The following VAX1 variants were observed in gnomAD, a reference collection of about 807,000 sequenced individuals.
VAX1 encodes ventral anterior homeobox 1.
VAX1 carries 6 observed loss-of-function variants against 17.6 expected under a neutral mutation model. The observed-to-expected ratio is 0.34, with a 90% CI of 0.19 to 0.67. VAX1 has a LOEUF of 0.67. Among genes scored for constraint, VAX1 ranks in the 30% least tolerant of loss-of-function variants. The pLI, the probability that VAX1 is intolerant of heterozygous loss-of-function variation, is 0.69. For synonymous variants in VAX1, 256 were observed against 227.4 expected, an observed-to-expected ratio of 1.13 and a Z score of -1.13; for missense variants, 408 against 463.7, an observed-to-expected ratio of 0.88 and a Z score of 1.10.
Position 117,134,594 on chromosome 10 carries a change from G to A in VAX1, c.430-11C>T. The A allele has an allele frequency of 6.6e-7, 1 of 1,516,058 alleles. No individual in the cohort carries two copies. Among genetic ancestry groups the A allele is most frequent in the Non-Finnish European group, 8.8e-7 (1 of 1,133,722 alleles). 93.9% of individuals were successfully genotyped at this position (1,516,058 alleles called of 1,614,324 possible). On this transcript the variant is annotated splice_polypyrimidine_tract_variant and intron_variant, in intron 2 of 2. Transcript: ENST00000369206. The surrounding 1 kb of genome is among the most constrained non-coding windows in gnomAD (Gnocchi z 6.2). ...GAACCAGACCTTCACCTGCGCGCCGGGGTGCGGGGAGAGTTGGAGAGAGGG... is the reference window on the plus strand; with the variant it reads ...GAACCAGACCTTCACCTGCGCGCCGAGGTGCGGGGAGAGTTGGAGAGAGGG...
Position 117,137,977 on chromosome 10 carries a change from TTG to T in VAX1, c.78_79del (p.His26GlnfsTer32), listed in dbSNP as rs1156380047. ...CGCGCCCTTGCTCTCCCGACTCTCC[TTG>T]TGCGCGTTCTTCGAGACCCGGGCAG... On this transcript the variant is annotated frameshift_variant, in exon 1 of 3. Coordinates refer to ENST00000369206, the MANE Select transcript of VAX1 (RefSeq NM_001112704.2). LOFTEE classifies it high-confidence loss of function. The surrounding 1 kb of genome is among the most constrained non-coding windows in gnomAD (Gnocchi z 7.4). The T allele has an allele frequency of 6.2e-7, 1 of 1,613,626 alleles. No homozygotes were observed. The highest frequency in any genetic ancestry group is 1.3e-5 in the African/African-American group (1 of 74,874).
In VAX1 at chr10:117,136,790, AC is replaced by A; in HGVS notation, c.242-132del. 9.0e-7 allele frequency: 1 copy of A among 1,105,112 alleles called. No individual in the cohort carries two copies. The highest frequency in any genetic ancestry group is 1.3e-6 in the Non-Finnish European group (1 of 787,090). The allele number at this position is 1,105,112 out of a possible 1,614,324, so 68.5% of individuals were successfully genotyped here. ...GATGGGGGGCGGGGTGCGGAGCGCGACCACAACCAGGTAGCAAAGACACTGT... is the reference window on the plus strand; with the variant it reads ...GATGGGGGGCGGGGTGCGGAGCGCGACACAACCAGGTAGCAAAGACACTGT... On this transcript the variant is annotated intron_variant, in intron 1 of 2. Transcript: ENST00000369206. This position sits in a 1 kb window ranked among gnomAD's most constrained non-coding sequence, Gnocchi z 5.0.
At chr10:117,129,459 T>C (rs1194479012), downstream of VAX1, 1 of 152,620 alleles carries the variant, frequency 6.6e-6, no homozygotes, top group Admixed American at 6.5e-5. Context: ...TTAGAAGAGA[T>C]ATATGATTTC....
chr10:117,134,373 A>G lies in VAX1; in HGVS notation c.640T>C (p.Leu214=). ...GCGGCGCCCGCGCCCAGGGCCGGCA[A>G]GCTGGGCCCGCGCAGCGCTGAGCCG... The part of the protein sequence containing the change: ...ALGSALRGPS[L]PALGAGAAAG... The change falls in exon 3 of 3, where the codon TTG becomes CTG. Residue 214 remains leucine, a synonymous_variant. Coordinates refer to ENST00000369206, the MANE Select transcript of VAX1 (RefSeq NM_001112704.2). This position sits in a 1 kb window ranked among gnomAD's most constrained non-coding sequence, Gnocchi z 6.2. The G allele has an allele frequency of 8.1e-7, 1 of 1,238,274 alleles. No individual in the cohort carries two copies. 76.7% of individuals were successfully genotyped at this position (1,238,274 alleles called of 1,614,324 possible).
rs1159520457 is a variant in VAX1, at chr10:117,134,133, T to C, written c.880A>G (p.Thr294Ala). The change falls in exon 3 of 3, where the codon ACA becomes GCA. Residue 294 changes from threonine (T) to alanine (A), a missense_variant. Around this residue, in one of 4 missense-constraint regions of VAX1, gnomAD observed 196 missense variants for 218.7 expected, o/e 0.90. Transcript: ENST00000369206. This position sits in a 1 kb window ranked among gnomAD's most constrained non-coding sequence, Gnocchi z 6.2. The part of the protein sequence containing the change: ...VASRLSSAPL[T>A]MAGSLAGNLQ... ...TTCCCAGCTAGCGAACCAGCCATTG[T>C]TAACGGGGCGGAGGACAGGCGGCTG... The C allele has an allele frequency of 9.1e-6, 14 of 1,536,242 alleles. No individual in the cohort carries two copies.
In VAX1 at chr10:117,136,324, T is replaced by G; in HGVS notation, c.429+148A>C. On this transcript the variant is annotated intron_variant, in intron 2 of 2. Coordinates refer to ENST00000369206, the MANE Select transcript of VAX1 (RefSeq NM_001112704.2). This position sits in a 1 kb window ranked among gnomAD's most constrained non-coding sequence, Gnocchi z 5.0. ...ATGTATTATCTAGGGGAAGGAATCC[T>G]TAGGCCTGTCTTACCCATCCTTCCC... 1.1e-6 allele frequency: 1 copy of G among 907,258 alleles called. No homozygotes were observed. The highest frequency in any genetic ancestry group is 2.9e-5 in the Admixed American group (1 of 34,414). The allele number at this position is 907,258 out of a possible 1,614,324, so 56.2% of individuals were successfully genotyped here.
Position 117,138,071 on chromosome 10 carries a change from A to G in VAX1, c.-15T>C. ...TTCCCGAACATAGGCAAGAACAACA[A>G]CAAAAACAGAAAGGAAAAAAAAAGC... On this transcript the variant is annotated 5_prime_UTR_variant, in exon 1 of 3. Coordinates refer to ENST00000369206, the MANE Select transcript of VAX1 (RefSeq NM_001112704.2). 2 of 1,315,316 alleles carry G rather than the reference A, an allele frequency of 1.5e-6. No individual in the cohort carries two copies. The highest frequency in any genetic ancestry group is 2.0e-6 in the Non-Finnish European group (2 of 999,692). 81.5% of individuals were successfully genotyped at this position (1,315,316 alleles called of 1,614,324 possible). A position where few individuals can be genotyped will look rare whatever the true frequency, so the allele number is the denominator to read the frequency against.
downstream of VAX1, chr10:117,131,283 GAA>G (rs756411786): frequency 6.6e-6 from 1 of 152,366 alleles, no homozygotes; most frequent in Non-Finnish European, 1.5e-5. Flanking sequence ...GAGCGCGGAA[GAA>G]AAGAGTAGAA....
rs1280485516 is a variant in VAX1, at chr10:117,137,833, C to T, written c.224G>A (p.Arg75His). The T allele has an allele frequency of 1.9e-6, 3 of 1,612,668 alleles. No homozygotes were observed. The highest frequency in any genetic ancestry group is 2.5e-6 in the Non-Finnish European group (3 of 1,179,952). ...ATCCCTACCTCGGACCAGGATCCGG[C>T]GGCAGTAATCCGGGTCCGCTGCGGA... is the stretch of plus-strand genomic sequence containing the variant. ...SNSAADPDYC[R>H]RILVRDAKGS... Residue 75 changes from arginine (R) to histidine (H), a missense_variant, in exon 1 of 3, where the codon CGC becomes CAC. Transcript: ENST00000369206. This position sits in a 1 kb window ranked among gnomAD's most constrained non-coding sequence, Gnocchi z 7.4.
rs1007356738 is a variant in VAX1 at position 117,134,690 on chromosome 10, G to A, written c.430-107C>T. The A allele has an allele frequency of 3.4e-5, 39 of 1,163,786 alleles. No individual in the cohort carries two copies. In the African/African-American group the frequency reaches 3.6e-4, roughly 11 times the overall value. 72.1% of individuals were successfully genotyped at this position (1,163,786 alleles called of 1,614,324 possible). A position where few individuals can be genotyped will look rare whatever the true frequency, so the allele number is the denominator to read the frequency against. The stretch of plus-strand genomic sequence containing the variant: ...GCTCCGGGGCTCTCCCCAAGTCCCA[G>A]CCCTATCCGCAGCCCCACCCAGCAG... On this transcript the variant is annotated intron_variant, in intron 2 of 2. Coordinates refer to ENST00000369206, the MANE Select transcript of VAX1 (RefSeq NM_001112704.2). The surrounding 1 kb of genome is among the most constrained non-coding windows in gnomAD (Gnocchi z 6.2).
In VAX1 at chr10:117,134,678, C is replaced by A; in HGVS notation, c.430-95G>T. The A allele has an allele frequency of 7.8e-7, 1 of 1,276,128 alleles. No individual in the cohort carries two copies. The highest frequency in any genetic ancestry group is 1.0e-6 in the Non-Finnish European group (1 of 965,854). 79.1% of individuals were successfully genotyped at this position (1,276,128 alleles called of 1,614,324 possible). A position where few individuals can be genotyped will look rare whatever the true frequency, so the allele number is the denominator to read the frequency against. On this transcript the variant is annotated intron_variant, in intron 2 of 2. Coordinates refer to ENST00000369206, the MANE Select transcript of VAX1 (RefSeq NM_001112704.2). This position sits in a 1 kb window ranked among gnomAD's most constrained non-coding sequence, Gnocchi z 6.2. Reference sequence around the variant, plus strand: ...CCGGGGCGCGCGGCTCCGGGGCTCTCCCCAAGTCCCAGCCCTATCCGCAGC... The same window carrying A: ...CCGGGGCGCGCGGCTCCGGGGCTCTACCCAAGTCCCAGCCCTATCCGCAGC...
chr10:117,132,944 A>C (rs988516136), downstream of VAX1, among the ~76,000 whole-genome samples: 3 of 151,884 alleles, frequency 2.0e-5, no homozygotes, highest in Non-Finnish European at 4.4e-5. The surrounding 1 kb of genome is among the most constrained non-coding windows in gnomAD (Gnocchi z 4.9). Flanking sequence ...ATGAGTGCTG[A>C]CTCGTTTTCC....
At chr10:117,131,403 T>G (rs1048499190), downstream of VAX1, 1 of 152,224 alleles carries the variant, frequency 6.6e-6, no homozygotes, top group Middle Eastern at 3.1e-3. Flanking sequence ...GAAATAAAAG[T>G]GAACTGTCTG....
Position 117,136,354 on chromosome 10 carries a change from C to A in VAX1, c.429+118G>T. On this transcript the variant is annotated intron_variant, in intron 2 of 2. Coordinates refer to ENST00000369206, the MANE Select transcript of VAX1 (RefSeq NM_001112704.2). The surrounding 1 kb of genome is among the most constrained non-coding windows in gnomAD (Gnocchi z 5.0). Reference sequence around the variant, plus strand: ...CCTGTCTTACCCATCCTTCCCATCTCCTCCACCTCCCAAGGGTAGTTCTGT... The same window carrying A: ...CCTGTCTTACCCATCCTTCCCATCTACTCCACCTCCCAAGGGTAGTTCTGT... 7.9e-7 allele frequency: 1 copy of A among 1,266,146 alleles called. No homozygotes were observed. Among genetic ancestry groups the A allele is most frequent in the Non-Finnish European group, 1.1e-6 (1 of 922,200 alleles). 78.4% of individuals were successfully genotyped at this position (1,266,146 alleles called of 1,614,324 possible). A position where few individuals can be genotyped will look rare whatever the true frequency, so the allele number is the denominator to read the frequency against.
Position 117,136,994 on chromosome 10 carries a change from G to A in VAX1, c.242-335C>T, listed in dbSNP as rs1334048529. ...CCTTCCGGGTCCCCTGTAGCCTGAG[G>A]GTACCCTTGTCGCCCCGCCCGGGTC... On this transcript the variant is annotated intron_variant, in intron 1 of 2. Transcript: ENST00000369206. The surrounding 1 kb of genome is among the most constrained non-coding windows in gnomAD (Gnocchi z 5.0). Among the ~76,000 whole-genome samples, 2 of 152,208 alleles carry A rather than the reference G, an allele frequency of 1.3e-5. No homozygotes were observed. Among genetic ancestry groups the A allele is most frequent in the South Asian group, 4.2e-4 (2 of 4,810 alleles).
Position 117,136,436 on chromosome 10 carries a change from T to C in VAX1, c.429+36A>G, listed in dbSNP as rs375993018. 26 of 1,608,622 alleles carry C rather than the reference T, an allele frequency of 1.6e-5. No homozygotes were observed. The highest frequency in any genetic ancestry group is 2.2e-5 in the Non-Finnish European group (26 of 1,178,412). On this transcript the variant is annotated intron_variant, in intron 2 of 2. Transcript: ENST00000369206. The surrounding 1 kb of genome is among the most constrained non-coding windows in gnomAD (Gnocchi z 5.0). ...AGGTAGGGGTGGTGGGGAGGAAGGC[T>C]GGTGCAGAACTGTGTGCGGCCTGGT...
At chr10:117,132,568 C>T, downstream of VAX1, 1 of 1,442,010 alleles carries the variant, frequency 6.9e-7, no homozygotes, top group Non-Finnish European at 9.5e-7. This position sits in a 1 kb window ranked among gnomAD's most constrained non-coding sequence, Gnocchi z 4.9. Context: ...GTGTTTTTCG[C>T]TTGCTTCAGA....
chr10:117,136,464 C>A lies in VAX1; in HGVS notation c.429+8G>T. The A allele has an allele frequency of 1.2e-6, 2 of 1,612,392 alleles. No homozygotes were observed. The highest frequency in any genetic ancestry group is 1.7e-6 in the Non-Finnish European group (2 of 1,179,924). On this transcript the variant is annotated splice_region_variant and intron_variant, in intron 2 of 2. Coordinates refer to ENST00000369206, the MANE Select transcript of VAX1 (RefSeq NM_001112704.2). The surrounding 1 kb of genome is among the most constrained non-coding windows in gnomAD (Gnocchi z 5.0). ...TGCAGAACTGTGTGCGGCCTGGTCG[C>A]CGGGTACCTGGGTCTCGGAGAGGTT...
chr10:117,136,516 C>G lies in VAX1; in HGVS notation c.385G>C (p.Glu129Gln). 3 of 1,613,860 alleles carry G rather than the reference C, an allele frequency of 1.9e-6. No homozygotes were observed. The highest frequency in any genetic ancestry group is 2.5e-6 in the Non-Finnish European group (3 of 1,180,018). ...FQRCQYVVGRERTELARQLNL... is the reference protein window; with the variant it reads ...FQRCQYVVGRQRTELARQLNL... Reference sequence around the variant, plus strand: ...AGCTGCCGGGCGAGCTCGGTCCTCTCGCGGCCCACCACGTACTGGCAGCGC... The same window carrying G: ...AGCTGCCGGGCGAGCTCGGTCCTCTGGCGGCCCACCACGTACTGGCAGCGC... The change falls in exon 2 of 3, where the codon GAG (glutamate) becomes CAG (glutamine). Residue 129 changes from glutamate (E) to glutamine (Q), a missense_variant. Glu to Gln is a conservative substitution (Grantham distance 29). Coordinates refer to ENST00000369206, the MANE Select transcript of VAX1 (RefSeq NM_001112704.2). The surrounding 1 kb of genome is among the most constrained non-coding windows in gnomAD (Gnocchi z 5.0).
Sources: gnomAD v4.1 joint callset for allele counts (sites outside exome capture counted in the v4.1 genomes callset) on GRCh38, gnomAD v4.1.1 for gene constraint, gnomAD v4.1.1 regional missense constraint, Gnocchi (gnomAD v3.1) non-coding constraint, MANE v1.5 for transcripts, NCBI Gene and HGNC (gene_info 2026-07-23, HGNC 2026-07-21) for gene names.